Variants in DYNC1LI2 observed in about 807,000 individuals in gnomAD.
DYNC1LI2 encodes dynein cytoplasmic 1 light intermediate chain 2, also known as cytoplasmic dynein 1 light intermediate chain 2.
Under a neutral mutation model 57.8 loss-of-function variants are expected in DYNC1LI2, and 19 were observed. The ratio of observed to expected loss-of-function variants is 0.33; its 90% confidence interval spans 0.23 to 0.48. The LOEUF is 0.48. Among genes scored for constraint, DYNC1LI2 ranks in the 20% least tolerant of loss-of-function variants. The pLI, the probability that DYNC1LI2 is intolerant of heterozygous loss-of-function variation, is 0.99. For synonymous variants in DYNC1LI2, 256 were observed against 233.4 expected (o/e 1.10, Z -0.88); for missense variants, 470 against 604.2 (o/e 0.78, Z 2.33).
At position 66,722,295 on chromosome 16, in the gene DYNC1LI2, C is replaced by G. The variant is rs1030914961; in HGVS notation, c.*1427G>C. On this transcript the variant is annotated 3_prime_UTR_variant, in exon 13 of 13. Coordinates refer to ENST00000258198, the MANE Select transcript of DYNC1LI2 (RefSeq NM_006141.3). The stretch of plus-strand genomic sequence containing the variant: ...GCTTAGACACAGTACAACAAACATT[C>G]ATATAAAAAAAGTAAACTCCACATG... The G allele has an allele frequency of 6.6e-6, 1 of 152,620 alleles. No individual in the cohort carries two copies. The highest frequency in any genetic ancestry group is 2.4e-5 in the African/African-American group (1 of 41,452). The allele number at this position is 152,620 out of a possible 1,614,324, so 9.5% of individuals were successfully genotyped here. A position where few individuals can be genotyped will look rare whatever the true frequency, so the allele number is the denominator to read the frequency against.
chr16:66,744,147 G>C (rs1363785155), intron 3 of DYNC1LI2, among the ~76,000 whole-genome samples: 1 of 151,530 alleles, frequency 6.6e-6, no homozygotes, highest in East Asian at 2.0e-4. Flanking sequence ...TCGATTTCCT[G>C]GGATAGTGAT....
intron 11 of DYNC1LI2, 82 bp from the exon 12 acceptor site, chr16:66,726,026 T>C: frequency 7.0e-7 from 1 of 1,433,128 alleles, no homozygotes; most frequent in Non-Finnish European, 9.5e-7. Context: ...AGCTTGGCAT[T>C]AGCCACTTGT....
At chr16:66,735,165 G>A (rs1165105450) in intron 5 of DYNC1LI2, among the ~76,000 whole-genome samples, 1 of 147,282 alleles carries the variant, frequency 6.8e-6, no homozygotes, top group Non-Finnish European at 1.5e-5. Flanking sequence ...GTGCAGTGGC[G>A]CCATCTCAGC....
rs761606518 is a variant in DYNC1LI2 at position 66,736,251 on chromosome 16, G to A, written c.530-7C>T. On this transcript the variant is annotated splice_polypyrimidine_tract_variant and splice_region_variant and intron_variant, in intron 4 of 12. Transcript: ENST00000258198. ...TCTTGAAAATCTTTCACAACTGGGGGAAAAAGAGGAAAAAAAATCACATGC... is the reference window on the plus strand; with the variant it reads ...TCTTGAAAATCTTTCACAACTGGGGAAAAAAGAGGAAAAAAAATCACATGC... 1.2e-5 allele frequency: 19 copies of A among 1,602,818 alleles called. No homozygotes were observed. Among genetic ancestry groups the A allele is most frequent in the Non-Finnish European group, 1.4e-5 (17 of 1,174,348 alleles).
intron 2 of DYNC1LI2, among the ~76,000 whole-genome samples, chr16:66,750,760 G>A (rs1256047700): frequency 6.6e-6 from 1 of 152,162 alleles, no homozygotes; most frequent in Non-Finnish European, 1.5e-5. Flanking sequence ...GCCAGAGGGA[G>A]TAAGGGACCT....
intron 11 of DYNC1LI2, among the ~76,000 whole-genome samples, chr16:66,726,603 C>T (rs954400492): frequency 6.6e-6 from 1 of 152,148 alleles, no homozygotes; most frequent in Non-Finnish European, 1.5e-5. Context: ...AGATCAGCCT[C>T]GGCAACGTAA....
chr16:66,747,552 C>T lies in DYNC1LI2; in HGVS notation c.298+1645G>A, dbSNP rs137957568. Among the ~76,000 whole-genome samples, 364 of 151,352 alleles carry T rather than the reference C, an allele frequency of 2.4e-3. 12 individuals carry two copies. The East Asian group carries it at 0.063, about 26-fold the overall frequency. ...TCTTTACTGTTTAAATGAGTAAAGG[C>T]AAATATAAAGAAAGTAATTTTTTTT... On this transcript the variant is annotated intron_variant, in intron 3 of 12. Transcript: ENST00000258198.
Position 66,723,533 on chromosome 16 carries a change from T to G in DYNC1LI2, c.*189A>C. The G allele has an allele frequency of 1.5e-6, 1 of 673,896 alleles. No homozygotes were observed. The highest frequency in any genetic ancestry group is 2.7e-6 in the Non-Finnish European group (1 of 372,626). 41.7% of individuals were successfully genotyped at this position (673,896 alleles called of 1,614,324 possible). ...CAAGGGTTATCCTTAACAAAGGGTC[T>G]GACATGTAACCTTCCTAAATGTGCA... On this transcript the variant is annotated 3_prime_UTR_variant, in exon 13 of 13. Transcript: ENST00000258198.
chr16:66,729,425 T>C (rs542116508), intron 8 of DYNC1LI2, among the ~76,000 whole-genome samples: 14 of 152,228 alleles, frequency 9.2e-5, no homozygotes, highest in Non-Finnish European at 2.1e-4. Context: ...CAACTCCAGG[T>C]GAGCATTCCA....
chr16:66,743,777 G>A (rs1340652456), intron 3 of DYNC1LI2, among the ~76,000 whole-genome samples: 1 of 152,076 alleles, frequency 6.6e-6, no homozygotes, highest in Non-Finnish European at 1.5e-5. Flanking sequence ...ATACTATAAA[G>A]GATGCCAAAG....
At chr16:66,743,783 CAA>C (rs1297069676) in intron 3 of DYNC1LI2, among the ~76,000 whole-genome samples, 1 of 151,968 alleles carries the variant, frequency 6.6e-6, no homozygotes, top group African/African-American at 2.4e-5. Context: ...TAAAGGATGC[CAA>C]AGAGACAGAA....
At chr16:66,742,265 T>G (rs559445403) in intron 4 of DYNC1LI2, among the ~76,000 whole-genome samples, 173 bp downstream of exon 4, 1 of 152,374 alleles carries the variant, frequency 6.6e-6, no homozygotes, top group Non-Finnish European at 1.5e-5. Context: ...AGTTAAAGAC[T>G]GCTTTGAATA....
chr16:66,747,989 G>A (rs973103047), intron 3 of DYNC1LI2, among the ~76,000 whole-genome samples: 2 of 152,000 alleles, frequency 1.3e-5, no homozygotes, highest in African/African-American at 2.4e-5. Flanking sequence ...TTGAATCATT[G>A]AAAAGATCTA....
intron 12 of DYNC1LI2, among the ~76,000 whole-genome samples, chr16:66,725,325 C>CA (rs1264618796): frequency 6.7e-6 from 1 of 149,264 alleles, no homozygotes; most frequent in Non-Finnish European, 1.5e-5. Flanking sequence ...ACTAAAAATA[C>CA]AAAAAATTAG....
chr16:66,736,093 C>T lies in DYNC1LI2; in HGVS notation c.681G>A (p.Val227=), dbSNP rs201021229. The change falls in exon 5 of 13, where the codon GTG becomes GTA. Residue 227 remains valine, a synonymous_variant. Coordinates refer to ENST00000258198, the MANE Select transcript of DYNC1LI2 (RefSeq NM_006141.3). ...NVLTHNLGIP[V]LVVCTKCDAV... ...CACACACCTTTGTGCACACCACCAA[C>T]ACCGGGATCCCCAGGTTATGAGTCA... The T allele has an allele frequency of 1.1e-5, 17 of 1,614,104 alleles. No homozygotes were observed. In the African/African-American group the frequency reaches 1.6e-4, roughly 15 times the overall value.
chr16:66,725,959 A>G lies in DYNC1LI2; in HGVS notation c.1262-15T>C. ...TGCTGCATTATCTAAGGAAAATTAA[A>G]GAGAAAAAAAAGCATCATATAAACT... On this transcript the variant is annotated splice_polypyrimidine_tract_variant and intron_variant, in intron 11 of 12. Transcript: ENST00000258198. 6.2e-7 allele frequency: 1 copy of G among 1,605,556 alleles called. No individual in the cohort carries two copies. Among genetic ancestry groups the G allele is most frequent in the Non-Finnish European group, 8.5e-7 (1 of 1,177,390 alleles).
At chr16:66,744,802 T>C (rs1171327975) in intron 3 of DYNC1LI2, among the ~76,000 whole-genome samples, 6 of 152,138 alleles carry the variant, frequency 3.9e-5, no homozygotes, top group Non-Finnish European at 5.9e-5. Context: ...TCAAGTGATC[T>C]GCCCGCCTCA....
chr16:66,735,303 G>C (rs996358811), intron 5 of DYNC1LI2, among the ~76,000 whole-genome samples: 1 of 151,784 alleles, frequency 6.6e-6, no homozygotes, highest in Non-Finnish European at 1.5e-5. Context: ...GTTTCACCAT[G>C]TCGGCCAGGC....
intron 4 of DYNC1LI2, 60 bp from the exon 5 acceptor site, chr16:66,736,304 A>G: frequency 6.3e-7 from 1 of 1,576,012 alleles, no homozygotes; most frequent in Non-Finnish European, 8.7e-7. Context: ...TGTTAGCTTT[A>G]GAACACTGAA....
Sources: allele counts gnomAD v4.1 joint callset (sites outside exome capture counted in the v4.1 genomes callset), GRCh38; gene constraint gnomAD v4.1.1; transcripts MANE v1.5; gene names NCBI Gene and HGNC (gene_info 2026-07-23, HGNC 2026-07-21).